POTEJ: variants seen among roughly 807,000 people sequenced by gnomAD.
POTEJ encodes the protein POTE ankyrin domain family, member J.
In POTEJ, 11 loss-of-function variants were observed where a neutral mutation model predicts 69.0. The observed-to-expected ratio is 0.16, with a 90% CI of 0.10 to 0.26. The LOEUF (loss-of-function observed/expected upper bound fraction) is 0.26, where lower values mean the gene tolerates loss of function less well. Among genes scored for constraint, POTEJ ranks in the 10% least tolerant of loss-of-function variants. POTEJ has a pLI of 1.00. For missense variants in POTEJ, 327 were observed against 1,045.5 expected, an observed-to-expected ratio of 0.31 and a Z score of 9.48; for synonymous variants, 117 against 381.1, an observed-to-expected ratio of 0.31 and a Z score of 8.07.
chr2:130,655,359 A>C (rs1180348295), intron 14 of POTEJ, among the ~76,000 whole-genome samples: 58 of 152,306 alleles, frequency 3.8e-4, no homozygotes, highest in Admixed American at 1.5e-3. Context: ...TCGTTTTTGG[A>C]CATTAGTTTT....
intron 14 of POTEJ, among the ~76,000 whole-genome samples, chr2:130,656,106 T>C: frequency 6.9e-6 from 1 of 145,872 alleles, no homozygotes; most frequent in East Asian, 1.9e-4. Flanking sequence ...AATATATGCA[T>C]AGCTAAGGCT....
chr2:130,652,111 G>C (rs2105261998), intron 13 of POTEJ, among the ~76,000 whole-genome samples: 1 of 137,284 alleles, frequency 7.3e-6, no homozygotes, highest in East Asian at 2.0e-4. Flanking sequence ...TTGTGATAGT[G>C]AGTGAGTTCT....
At chr2:130,642,756 C>A (rs1314746662) in intron 10 of POTEJ, among the ~76,000 whole-genome samples, 6 of 152,102 alleles carry the variant, frequency 3.9e-5, no homozygotes, top group African/African-American at 1.5e-4. Context: ...CATTACTGAG[C>A]TGCTGGCAAT....
At chr2:130,619,891 T>C (rs1362864888) in intron 3 of POTEJ, among the ~76,000 whole-genome samples, 154 bp from the exon 4 acceptor site, 1 of 151,988 alleles carries the variant, frequency 6.6e-6, no homozygotes, top group Non-Finnish European at 1.5e-5. Flanking sequence ...AGGAGCAGCG[T>C]GTGGGAAAGC....
chr2:130,615,569 A>G (rs1170963253), intron 1 of POTEJ, among the ~76,000 whole-genome samples: 1 of 140,498 alleles, frequency 7.1e-6, no homozygotes, highest in East Asian at 1.9e-4. Context: ...ACACACAGAT[A>G]CCTAGAGGGA....
rs536494685 is a variant in POTEJ at position 130,656,829 on chromosome 2, C to A, written c.2069C>A (p.Pro690His). Residue 690 changes from proline (P) to histidine (H), a missense_variant, in exon 15 of 15, where the codon CCC becomes CAC. By Grantham distance (77) the Pro-to-His change is moderately conservative. Transcript: ENST00000409602. ...GCCGGCTTTGCGGGCGACGATGCCC[C>A]CCGGGCTGTCTTCCCTTCCATCGTG... ...CKAGFAGDDA[P>H]RAVFPSIVGC... The A allele has an allele frequency of 9.4e-6, 15 of 1,601,946 alleles. No homozygotes were observed. The highest frequency in any genetic ancestry group is 1.7e-5 in the Admixed American group (1 of 59,512).
At chr2:130,614,249 TGTTTAAA>T (rs1685347309) in intron 1 of POTEJ, among the ~76,000 whole-genome samples, 2 of 152,386 alleles carry the variant, frequency 1.3e-5, no homozygotes, top group Non-Finnish European at 2.9e-5. Context: ...CTTATGTAGT[TGTTTAAA>T]GTTTAAGTTG....
chr2:130,656,101 A>G (rs1017294300), intron 14 of POTEJ, among the ~76,000 whole-genome samples: 1 of 145,900 alleles, frequency 6.9e-6, no homozygotes, highest in Non-Finnish European at 1.5e-5. Flanking sequence ...GTCCAAATAT[A>G]TGCATAGCTA....
intron 9 of POTEJ, among the ~76,000 whole-genome samples, chr2:130,634,974 A>G (rs1274699824): frequency 2.0e-4 from 31 of 152,086 alleles, no homozygotes; most frequent in African/African-American, 6.5e-4. Context: ...TGTCAGCAAT[A>G]TTTGAGCCAG....
At chr2:130,624,945 A>G (rs1269049191) in intron 6 of POTEJ, among the ~76,000 whole-genome samples, 1 of 152,028 alleles carries the variant, frequency 6.6e-6, no homozygotes, top group African/African-American at 2.4e-5. Flanking sequence ...CCATTTGCCA[A>G]AAGATTGTCA....
intron 6 of POTEJ, among the ~76,000 whole-genome samples, chr2:130,624,909 T>C (rs1685647551): frequency 1.3e-5 from 2 of 152,120 alleles, no homozygotes; most frequent in South Asian, 2.1e-4. Context: ...ATAACAGTAA[T>C]TTTGTTAGAA....
intron 9 of POTEJ, among the ~76,000 whole-genome samples, chr2:130,636,294 A>G (rs1423317378): frequency 6.6e-6 from 1 of 152,198 alleles, no homozygotes; most frequent in Non-Finnish European, 1.5e-5. Flanking sequence ...CAGACACATC[A>G]TGCTTAAGAT....
rs374110820 is a variant in POTEJ at position 130,627,049 on chromosome 2, G to T, written c.1016-2900G>T. Among the ~76,000 whole-genome samples the T allele has an allele frequency of 5.3e-4, 80 of 152,240 alleles. No homozygotes were observed. In the East Asian group the frequency reaches 9.3e-3, roughly 18 times the overall value. On this transcript the variant is annotated intron_variant, in intron 6 of 14. Transcript: ENST00000409602. ...AAAGCCTTGGGGGACAGAGAGAAAT[G>T]TCAGATAATTTCCAGGTTTCCAGGT...
At chr2:130,633,141 A>T (rs1306796047) in intron 9 of POTEJ, among the ~76,000 whole-genome samples, 2 of 143,174 alleles carry the variant, frequency 1.4e-5, no homozygotes, top group African/African-American at 5.5e-5. Flanking sequence ...AATATGTGGC[A>T]TTTGATTTTC....
intron 6 of POTEJ, among the ~76,000 whole-genome samples, chr2:130,628,479 A>G (rs1400850600): frequency 2.1e-5 from 2 of 93,364 alleles, no homozygotes; most frequent in African/African-American, 5.3e-5. Flanking sequence ...CCTAATGCCT[A>G]GCATGTATTT....
chr2:130,657,569 A>G lies in POTEJ; in HGVS notation c.2809A>G (p.Ile937Val), dbSNP rs529747409. The G allele has an allele frequency of 6.4e-7, 1 of 1,554,512 alleles. No homozygotes were observed. Among genetic ancestry groups the G allele is most frequent in the South Asian group, 1.1e-5 (1 of 90,006 alleles). ...CTTCCTGGGCATGGAATCCTGTGGCATCCATGAAACTACCTTCAACTCCAT... is the reference window on the plus strand; with the variant it reads ...CTTCCTGGGCATGGAATCCTGTGGCGTCCATGAAACTACCTTCAACTCCAT... ...PCFLGMESCG[I>V]HETTFNSIMK... The change falls in exon 15 of 15, where the codon ATC becomes GTC. Residue 937 changes from isoleucine (I) to valine (V), a missense_variant. Coordinates refer to ENST00000409602, the MANE Select transcript of POTEJ (RefSeq NM_001277083.2).
Position 130,657,433 on chromosome 2 carries a change from C to T in POTEJ, c.2673C>T (p.Ala891=). 1.2e-6 allele frequency: 2 copies of T among 1,600,608 alleles called. No homozygotes were observed. Among genetic ancestry groups the T allele is most frequent in the Non-Finnish European group, 8.5e-7 (1 of 1,172,542 alleles). Residue 891 remains alanine, a synonymous_variant, in exon 15 of 15, where the codon GCC becomes GCT. Coordinates refer to ENST00000409602, the MANE Select transcript of POTEJ (RefSeq NM_001277083.2). ...CCCTGGACTTCGAGCAGGAGATGGCCATGGTGGCCTCCAGCTCCTCCCTAG... is the reference window on the plus strand; with the variant it reads ...CCCTGGACTTCGAGCAGGAGATGGCTATGGTGGCCTCCAGCTCCTCCCTAG... ...YVALDFEQEM[A]MVASSSSLEK...
In POTEJ at chr2:130,643,340, G is replaced by A. The variant is rs1316853881; in HGVS notation, c.1370-643G>A. ...GATCGAGACCATCCTGTCCAATGGT[G>A]AAACCCCATCTCTACTAAAAATACA... On this transcript the variant is annotated intron_variant, in intron 10 of 14. Transcript: ENST00000409602. Among the ~76,000 whole-genome samples, 189 of 129,654 alleles carry A rather than the reference G, an allele frequency of 1.5e-3. 1 individual carries two copies. The highest frequency in any genetic ancestry group is 5.2e-3 in the African/African-American group (184 of 35,118). 85.1% of individuals were successfully genotyped at this position (129,654 alleles called of 152,430 possible).
rs1298732822 is a variant in POTEJ at position 130,623,782 on chromosome 2, C to G, written c.945-282C>G. ...ATAGCTGTTCATTATGGAGCTAGGA[C>G]TTATGCAGAGTTGGGACACTTTCTA... On this transcript the variant is annotated intron_variant, in intron 5 of 14. Coordinates refer to ENST00000409602, the MANE Select transcript of POTEJ (RefSeq NM_001277083.2). Among the ~76,000 whole-genome samples the G allele has an allele frequency of 1.0e-4, 14 of 137,730 alleles. No homozygotes were observed. In the East Asian group the frequency reaches 2.5e-3, roughly 25 times the overall value. The allele number at this position is 137,730 out of a possible 152,430, so 90.4% of individuals were successfully genotyped here.
Sources: allele counts gnomAD v4.1 joint callset (sites outside exome capture counted in the v4.1 genomes callset), GRCh38; gene constraint gnomAD v4.1.1; transcripts MANE v1.5; gene names NCBI Gene and HGNC (gene_info 2026-07-23, HGNC 2026-07-21).